PSMB7: variants seen among roughly 807,000 people sequenced by gnomAD.
PSMB7 encodes proteasome 20S subunit beta 7.
PSMB7 carries 5 observed loss-of-function variants against 28.1 expected under a neutral mutation model. The observed-to-expected ratio is 0.18, with a 90% CI of 0.09 to 0.37. The LOEUF is 0.37. PSMB7 is among the 10% of genes least tolerant of loss of function. The pLI is 1.00. For missense variants in PSMB7, 275 were observed against 346.2 expected (o/e 0.79, Z 1.63); for synonymous variants, 122 against 123.7 (o/e 0.99, Z 0.09).
At chr9:124,397,474 A>T (rs1830854399) in intron 5 of PSMB7, among the ~76,000 whole-genome samples, 1 of 152,194 alleles carries the variant, frequency 6.6e-6, no homozygotes, top group African/African-American at 2.4e-5. Flanking sequence ...GATGCGCAAG[A>T]CAAGACAGGT....
intron 6 of PSMB7, among the ~76,000 whole-genome samples, chr9:124,366,716 T>C (rs972701784): frequency 1.3e-5 from 2 of 152,246 alleles, no homozygotes; most frequent in African/African-American, 4.8e-5. Flanking sequence ...GTAAGTGCCC[T>C]AGACAGATAC....
intron 6 of PSMB7, among the ~76,000 whole-genome samples, chr9:124,360,432 C>T (rs939730696): frequency 6.6e-6 from 1 of 152,254 alleles, no homozygotes; most frequent in Non-Finnish European, 1.5e-5. Context: ...TTGATAAGGG[C>T]TCTGCAGAGC....
At position 124,391,081 on chromosome 9, in the gene PSMB7, T is replaced by G. The variant is rs138694050; in HGVS notation, c.512-6425A>C. Among the ~76,000 whole-genome samples, 48 of 152,340 alleles carry G rather than the reference T, an allele frequency of 3.2e-4. 2 individuals carry two copies. The East Asian group carries it at 9.3e-3, about 29-fold the overall frequency. On this transcript the variant is annotated intron_variant, in intron 5 of 7. Transcript: ENST00000259457. ...GGGCTAGACCCCACTTATCCAGAAG[T>G]GTACTCTTGGCAAACACAGCACTGA...
At chr9:124,370,912 A>G (rs1396901024) in intron 6 of PSMB7, among the ~76,000 whole-genome samples, 1 of 152,230 alleles carries the variant, frequency 6.6e-6, no homozygotes, top group African/African-American at 2.4e-5. Flanking sequence ...TAATAAAAAG[A>G]AGAAAAATCT....
At chr9:124,397,441 G>A (rs1044600810) in intron 5 of PSMB7, among the ~76,000 whole-genome samples, 4 of 152,202 alleles carry the variant, frequency 2.6e-5, no homozygotes, top group Non-Finnish European at 5.9e-5. Flanking sequence ...GCTCAATGCA[G>A]ATCAGCTGTG....
chr9:124,407,320 G>T (rs545285244), intron 4 of PSMB7, among the ~76,000 whole-genome samples: 1 of 152,310 alleles, frequency 6.6e-6, no homozygotes, highest in Admixed American at 6.5e-5. Context: ...TATTTCATTT[G>T]TAAGTAAAAA....
At position 124,412,487 on chromosome 9, in the gene PSMB7, C is replaced by A; in HGVS notation, c.260G>T (p.Cys87Phe). ...TGTGTCTGCAGCTGTCCCAGCACCA[C>A]AACAACTGAAAAATCCAATTAGAAA... ...IHFISPNIYC[C>F]GAGTAADTDM... Residue 87 changes from cysteine (C) to phenylalanine (F), a missense_variant, in exon 4 of 8, where the codon TGT becomes TTT. This residue lies in a region of PSMB7 where 213 missense variants were observed against 302.4 expected (regional missense o/e 0.70). Transcript: ENST00000259457. The A allele has an allele frequency of 1.2e-6, 2 of 1,613,310 alleles. No individual in the cohort carries two copies. Among genetic ancestry groups the A allele is most frequent in the Non-Finnish European group, 1.7e-6 (2 of 1,179,708 alleles).
chr9:124,365,212 G>A lies in PSMB7; in HGVS notation c.571-8297C>T, dbSNP rs540618251. 3.9e-5 allele frequency among the ~76,000 whole-genome samples: 6 copies of A among 152,342 alleles called. No homozygotes were observed. In the South Asian group the frequency reaches 1.2e-3, roughly 32 times the overall value. On this transcript the variant is annotated intron_variant, in intron 6 of 7. Transcript: ENST00000259457. ...AGGCCTGAACACAGAGCCTGCCCAT[G>A]AGAATTGTGGAGCCCAGAAGGGGAA... is the stretch of plus-strand genomic sequence containing the variant.
At chr9:124,378,355 G>T (rs2282089) in intron 6 of PSMB7, among the ~76,000 whole-genome samples, 4 of 152,116 alleles carry the variant, frequency 2.6e-5, no homozygotes, top group African/African-American at 9.7e-5. Context: ...AACTTCAATA[G>T]TACAGAATAT....
chr9:124,385,126 G>A (rs1466524793), intron 5 of PSMB7, among the ~76,000 whole-genome samples: 5 of 152,220 alleles, frequency 3.3e-5, no homozygotes, highest in Admixed American at 2.0e-4. Context: ...ACCTTGACAC[G>A]CAGGGAAGAA....
intron 6 of PSMB7, among the ~76,000 whole-genome samples, chr9:124,376,049 C>A (rs1173339763): frequency 6.6e-6 from 1 of 152,112 alleles, no homozygotes; most frequent in Non-Finnish European, 1.5e-5. Flanking sequence ...CAGATGCAAC[C>A]TAAATAAGAC....
chr9:124,401,611 C>T (rs576194156), intron 5 of PSMB7, among the ~76,000 whole-genome samples: 4 of 152,310 alleles, frequency 2.6e-5, no homozygotes, highest in South Asian at 2.1e-4. Flanking sequence ...CTCCTGCCCT[C>T]GTCAGTAGGT....
chr9:124,379,543 G>C (rs1830644581), intron 6 of PSMB7, among the ~76,000 whole-genome samples: 1 of 152,208 alleles, frequency 6.6e-6, no homozygotes, highest in Non-Finnish European at 1.5e-5. Context: ...AAACTCACTT[G>C]GTTAGTTGAA....
At chr9:124,357,077 T>G (rs912353) in intron 6 of PSMB7, among the ~76,000 whole-genome samples, 162 bp from the exon 7 acceptor site, 94,637 of 151,990 alleles carry the variant, frequency 0.62, 29,674 homozygotes, top group East Asian at 0.77. Flanking sequence ...GTACCTTGAT[T>G]ATTTACCCAA....
intron 5 of PSMB7, among the ~76,000 whole-genome samples, chr9:124,394,893 C>T (rs1830825396): frequency 6.6e-6 from 1 of 152,118 alleles, no homozygotes; most frequent in Non-Finnish European, 1.5e-5. Context: ...CCTGGCACTC[C>T]ACCGCAACAT....
chr9:124,371,702 A>G (rs1830564373), intron 6 of PSMB7, among the ~76,000 whole-genome samples: 1 of 152,224 alleles, frequency 6.6e-6, no homozygotes, highest in Non-Finnish European at 1.5e-5. Flanking sequence ...ATTTGAAGAG[A>G]GCGGTGAAGT....
At chr9:124,364,290 G>A (rs761235936) in intron 6 of PSMB7, among the ~76,000 whole-genome samples, 15 of 152,150 alleles carry the variant, frequency 9.9e-5, no homozygotes, top group South Asian at 2.1e-4. Flanking sequence ...TTAGTGCCTG[G>A]CACCACCAAA....
At chr9:124,369,509 C>A (rs1309076888) in intron 6 of PSMB7, among the ~76,000 whole-genome samples, 2 of 152,198 alleles carry the variant, frequency 1.3e-5, no homozygotes, top group African/African-American at 4.8e-5. Flanking sequence ...AACGTGGCAG[C>A]TTTCTAAACT....
chr9:124,357,000 G>T lies in PSMB7; in HGVS notation c.571-85C>A. 6.9e-7 allele frequency: 1 copy of T among 1,452,976 alleles called. No individual in the cohort carries two copies. Among genetic ancestry groups the T allele is most frequent in the Non-Finnish European group, 9.5e-7 (1 of 1,055,758 alleles). 90.0% of individuals were successfully genotyped at this position (1,452,976 alleles called of 1,614,324 possible). ...CGCAATGTACGTCCACTAGCAGTGCGCAAGACCTCCCGCGAGACAGGTGTT... is the reference window on the plus strand; with the variant it reads ...CGCAATGTACGTCCACTAGCAGTGCTCAAGACCTCCCGCGAGACAGGTGTT... On this transcript the variant is annotated intron_variant, in intron 6 of 7. Transcript: ENST00000259457. This position sits in a 1 kb window ranked among gnomAD's most constrained non-coding sequence, Gnocchi z 4.4.
Sources: allele counts gnomAD v4.1 joint callset (sites outside exome capture counted in the v4.1 genomes callset), GRCh38; gene constraint gnomAD v4.1.1; regional missense constraint gnomAD v4.1.1; non-coding constraint Gnocchi (gnomAD v3.1); transcripts MANE v1.5; gene names NCBI Gene and HGNC (gene_info 2026-07-23, HGNC 2026-07-21).